The following TMEM164 variants were observed in gnomAD, a reference collection of about 807,000 sequenced individuals.
TMEM164 encodes the protein transmembrane protein 164.
Under a neutral mutation model 18.8 loss-of-function variants are expected in TMEM164, and 4 were observed. The ratio of observed to expected loss-of-function variants is 0.21; its 90% CI spans 0.10 to 0.49. TMEM164 has a LOEUF of 0.49. Ranked by LOEUF, TMEM164 falls within the 20% of genes least tolerant of loss-of-function variation. The pLI, the probability that TMEM164 is intolerant of heterozygous loss-of-function variation, is 0.98. For missense variants in TMEM164, 108 were observed against 239.9 expected, an observed-to-expected ratio of 0.45 and a Z score of 3.63; for synonymous variants, 86 against 101.7, an observed-to-expected ratio of 0.85 and a Z score of 0.93.
intron 2 of TMEM164, among the ~76,000 whole-genome samples, chrX:110,004,757 G>C (rs1184791194): frequency 8.9e-6 from 1 of 112,178 alleles, no homozygotes; most frequent in African/African-American, 3.2e-5. Context: ...TTCTGAAGCA[G>C]GTCCCCAGGC....
At chrX:110,125,845 A>G (rs2066521384) in intron 4 of TMEM164, among the ~76,000 whole-genome samples, 1 of 112,408 alleles carries the variant, frequency 8.9e-6, no homozygotes, top group South Asian at 3.6e-4. Context: ...AAGTGAGAGA[A>G]CACCAGATGT....
chrX:110,138,751 G>T (rs775747471), intron 4 of TMEM164, among the ~76,000 whole-genome samples: 3 of 112,199 alleles, frequency 2.7e-5, no homozygotes, highest in Non-Finnish European at 5.6e-5. Context: ...TAGTTGTGCA[G>T]GTTGTTAATT....
chrX:110,072,638 A>G (rs1003480888), intron 3 of TMEM164, among the ~76,000 whole-genome samples: 1 of 111,249 alleles, frequency 9.0e-6, no homozygotes, highest in Non-Finnish European at 1.9e-5. Flanking sequence ...CTGTATATTA[A>G]TCAGGTTAGT....
chrX:110,081,786 C>T (rs1287113228), intron 3 of TMEM164, among the ~76,000 whole-genome samples: 3 of 112,257 alleles, frequency 2.7e-5, no homozygotes, highest in Non-Finnish European at 5.6e-5. Flanking sequence ...TCTCTATGGG[C>T]CCTTTGCTGT....
At position 110,176,449 on chromosome X, in the gene TMEM164, C is replaced by T. The variant is rs1248372691; in HGVS notation, c.*2998C>T. 1.3e-6 allele frequency: 1 copy of T among 747,821 alleles called. No individual in the cohort carries two copies. The highest frequency in any genetic ancestry group is 8.8e-5 in the Admixed American group (1 of 11,424). 61.6% of individuals were successfully genotyped at this position (747,821 alleles called of 1,213,427 possible). On this transcript the variant is annotated 3_prime_UTR_variant, in exon 7 of 7. Transcript: ENST00000372068. ...GACTCAGTCTCCCCAAGTCAGCAAT[C>T]TCTTTCTCTCTCTCTCCTCAAACTT...
chrX:110,168,008 C>T (rs1431751247), intron 5 of TMEM164, among the ~76,000 whole-genome samples: 1 of 112,120 alleles, frequency 8.9e-6, no homozygotes, highest in Non-Finnish European at 1.9e-5. Flanking sequence ...GGACACCCCC[C>T]ACCAACACCC....
chrX:110,159,376 G>A (rs1393821208), intron 5 of TMEM164, among the ~76,000 whole-genome samples: 3 of 110,820 alleles, frequency 2.7e-5, no homozygotes. Flanking sequence ...AGGGGCATGC[G>A]CATAGTAGGA....
At chrX:110,138,421 C>G (rs1030785962) in intron 4 of TMEM164, among the ~76,000 whole-genome samples, 3 of 111,852 alleles carry the variant, frequency 2.7e-5, no homozygotes, top group Non-Finnish European at 5.6e-5. Context: ...GCTGGAGATA[C>G]CGATTGGGAG....
chrX:110,040,680 C>A (rs1935049593), intron 2 of TMEM164, among the ~76,000 whole-genome samples: 1 of 111,612 alleles, frequency 9.0e-6, no homozygotes, highest in African/African-American at 3.3e-5. Context: ...TTCTGCTGGT[C>A]TTTGCCTTGG....
chrX:110,083,093 C>T (rs1253087373), intron 3 of TMEM164, among the ~76,000 whole-genome samples: 3 of 111,381 alleles, frequency 2.7e-5, no homozygotes, highest in African/African-American at 9.8e-5. Context: ...TGATTGATTT[C>T]TAAACCCCCT....
At chrX:110,170,177 T>A (rs1172923666) in intron 5 of TMEM164, among the ~76,000 whole-genome samples, 1 of 112,734 alleles carries the variant, frequency 8.9e-6, no homozygotes, top group African/African-American at 3.2e-5. Context: ...TTGGAATTCC[T>A]AGGCCCCTCC....
intron 3 of TMEM164, among the ~76,000 whole-genome samples, chrX:110,091,648 T>C (rs1010836710): frequency 3.6e-5 from 4 of 112,300 alleles, no homozygotes; most frequent in African/African-American, 1.3e-4. Flanking sequence ...TTTTCTCCCA[T>C]TGTGTAGGTT....
chrX:110,092,267 G>A (rs2065942138), intron 3 of TMEM164, among the ~76,000 whole-genome samples: 1 of 111,823 alleles, frequency 8.9e-6, no homozygotes, highest in African/African-American at 3.2e-5. Context: ...TAGCTTGATG[G>A]GGATGGCATT....
chrX:110,062,782 G>T lies in TMEM164; in HGVS notation c.391-4565G>T, dbSNP rs755091233. 2.7e-5 allele frequency among the ~76,000 whole-genome samples: 3 copies of T among 111,782 alleles called. No individual in the cohort carries two copies. The South Asian group carries it at 1.1e-3, about 42-fold the overall frequency. Reference sequence around the variant, plus strand: ...GCTGTCATGCTGGAGAGGTAGGCAGGATCTAGAGCAAAGAAGGCCTTGTCC... The same window carrying T: ...GCTGTCATGCTGGAGAGGTAGGCAGTATCTAGAGCAAAGAAGGCCTTGTCC... On this transcript the variant is annotated intron_variant, in intron 2 of 6. Transcript: ENST00000372068.
chrX:110,022,890 C>G (rs1234531118), intron 2 of TMEM164, among the ~76,000 whole-genome samples: 1 of 112,041 alleles, frequency 8.9e-6, no homozygotes, highest in Non-Finnish European at 1.9e-5. Flanking sequence ...GAAGTTCAAG[C>G]CCGTCGTTTT....
chrX:110,092,529 A>G (rs1429743464), intron 3 of TMEM164, among the ~76,000 whole-genome samples: 8 of 111,705 alleles, frequency 7.2e-5, no homozygotes, highest in African/African-American at 2.6e-4. Context: ...TTGGTGTATA[A>G]GAATGCTTGT....
chrX:110,036,565 C>A (rs1934812629), intron 2 of TMEM164, among the ~76,000 whole-genome samples: 1 of 112,336 alleles, frequency 8.9e-6, no homozygotes, highest in South Asian at 3.7e-4. Flanking sequence ...CTAAGGTCTG[C>A]TGCAGATGAC....
intron 4 of TMEM164, among the ~76,000 whole-genome samples, chrX:110,116,822 TTGTGTGTGTGTG>T (rs560695330): frequency 1.0e-5 from 1 of 97,016 alleles, no homozygotes; most frequent in Non-Finnish European, 2.1e-5. Flanking sequence ...GGCCACTCCC[TTGTGTGTGTGTG>T]TGTGTGTGTG....
chrX:110,100,568 A>G (rs2066094244), intron 3 of TMEM164, among the ~76,000 whole-genome samples: 1 of 110,287 alleles, frequency 9.1e-6, no homozygotes, highest in African/African-American at 3.3e-5. Context: ...TTGGTCATAG[A>G]GTATTATTCT....
Sources: gnomAD v4.1 joint callset for allele counts (sites outside exome capture counted in the v4.1 genomes callset) on GRCh38, gnomAD v4.1.1 for gene constraint, MANE v1.5 for transcripts, NCBI Gene and HGNC (gene_info 2026-07-23, HGNC 2026-07-21) for gene names.